Variants in RBM47 observed in about 807,000 individuals in gnomAD.
RBM47 encodes the protein RNA binding motif protein 47, also known as RNA-binding protein 47.
A neutral mutation model predicts 47.1 loss-of-function variants in RBM47; 21 were observed. That is an observed-to-expected ratio of 0.45 (90% CI 0.32 to 0.64). The LOEUF is 0.64. Among genes scored for constraint, RBM47 ranks in the 30% least tolerant of loss-of-function variants. RBM47 has a pLI of 0.05. For synonymous variants in RBM47, 375 were observed against 361.7 expected (o/e 1.04, Z -0.42); for missense variants, 708 against 870.9 (o/e 0.81, Z 2.35).
In RBM47 at chr4:40,516,360, A is replaced by G. The variant is rs113024222; in HGVS notation, c.-155+28062T>C. Among the ~76,000 whole-genome samples, 929 of 150,962 alleles carry G rather than the reference A, an allele frequency of 6.2e-3. 11 individuals are homozygous for G. The highest frequency in any genetic ancestry group is 0.022 in the African/African-American group (894 of 41,134). On this transcript the variant is annotated intron_variant, in intron 2 of 6. Transcript: ENST00000295971. Reference sequence around the variant, plus strand: ...ACTGCAACCTCCGCTCCCAAGTTCAAGCGATTCTCCTGCCCCAGCCTCCCA... The same window carrying G: ...ACTGCAACCTCCGCTCCCAAGTTCAGGCGATTCTCCTGCCCCAGCCTCCCA...
At chr4:40,450,526 T>A (rs1715248218) in intron 3 of RBM47, among the ~76,000 whole-genome samples, 1 of 151,824 alleles carries the variant, frequency 6.6e-6, no homozygotes, top group Non-Finnish European at 1.5e-5. Context: ...TGCTTGAACC[T>A]GGGAGGCGGA....
intron 1 of RBM47, among the ~76,000 whole-genome samples, chr4:40,608,089 G>A (rs868566666): frequency 6.6e-6 from 1 of 151,374 alleles, no homozygotes; most frequent in Non-Finnish European, 1.5e-5. Flanking sequence ...GCAACAGAGC[G>A]AAACTCCATC....
At chr4:40,527,910 T>G (rs1726908639) in intron 2 of RBM47, among the ~76,000 whole-genome samples, 1 of 152,154 alleles carries the variant, frequency 6.6e-6, no homozygotes, top group Non-Finnish European at 1.5e-5. Context: ...AAATGAGATA[T>G]TCTAAGTCAC....
At chr4:40,528,911 C>A (rs1727044585) in intron 2 of RBM47, among the ~76,000 whole-genome samples, 1 of 151,606 alleles carries the variant, frequency 6.6e-6, no homozygotes, top group East Asian at 1.9e-4. Flanking sequence ...CCACTGCACT[C>A]CAGCCTGGGC....
At chr4:40,468,435 C>A (rs1244336793) in intron 2 of RBM47, among the ~76,000 whole-genome samples, 3 of 152,082 alleles carry the variant, frequency 2.0e-5, no homozygotes, top group African/African-American at 7.2e-5. Flanking sequence ...GAAACAACAC[C>A]AATAAAACAG....
chr4:40,431,031 C>T (rs1715907762), intron 6 of RBM47, among the ~76,000 whole-genome samples: 2 of 151,996 alleles, frequency 1.3e-5, no homozygotes, highest in African/African-American at 4.8e-5. Context: ...TTGCAGTGAG[C>T]CATGCACTCC....
rs115476151 is a variant in RBM47, at chr4:40,530,902, C to T, written c.-155+13520G>A. Among the ~76,000 whole-genome samples the T allele has an allele frequency of 5.5e-3, 830 of 152,186 alleles. 6 individuals carry two copies. The highest frequency in any genetic ancestry group is 0.019 in the African/African-American group (805 of 41,528). On this transcript the variant is annotated intron_variant, in intron 2 of 6. Coordinates refer to ENST00000295971, the MANE Select transcript of RBM47 (RefSeq NM_001098634.2). The stretch of plus-strand genomic sequence containing the variant: ...ATCCTTGGAGCCCAGGAGTTGGGGA[C>T]CAGCTTGGGCAACATAGTGAGACCT...
rs571136310 is a variant in RBM47, at chr4:40,477,078, A to T, written c.-154-10379T>A. On this transcript the variant is annotated intron_variant, in intron 2 of 6. Transcript: ENST00000295971. ...GGCTCCTGTAATCCCAACTACTCGG[A>T]AGGCTGAGGCATGAGAATCGCTAGA... Among the ~76,000 whole-genome samples, 5 of 152,074 alleles carry T rather than the reference A, an allele frequency of 3.3e-5. No individual in the cohort carries two copies. In the East Asian group the frequency reaches 9.7e-4, roughly 30 times the overall value.
chr4:40,448,581 A>G (rs372150123), intron 3 of RBM47, among the ~76,000 whole-genome samples: 19 of 152,338 alleles, frequency 1.2e-4, no homozygotes, highest in East Asian at 5.8e-4. Context: ...CACAATGCAC[A>G]TAAGAGCAAA....
Position 40,592,971 on chromosome 4 carries a change from ATATATATATTTTTTT to A in RBM47, c.-240+36410_-240+36424del, listed in dbSNP as rs1560493342. On this transcript the variant is annotated intron_variant, in intron 1 of 6. Transcript: ENST00000295971. ...TATATATATATATATATATATATAT[ATATATATATTTTTTT>A]TTTTTTTTTTTTTTTTTTTTTTTTT... Among the ~76,000 whole-genome samples, 25 of 22,808 alleles carry A rather than the reference ATATATATATTTTTTT, an allele frequency of 1.1e-3. 1 individual carries two copies. Among genetic ancestry groups the A allele is most frequent in the African/African-American group, 4.4e-3 (20 of 4,556 alleles). The allele number at this position is 22,808 out of a possible 152,430, so 15.0% of individuals were successfully genotyped here.
chr4:40,497,310 T>C (rs1357975515), intron 2 of RBM47, among the ~76,000 whole-genome samples: 1 of 152,114 alleles, frequency 6.6e-6, no homozygotes, highest in Non-Finnish European at 1.5e-5. Context: ...TGTGTACAAA[T>C]ATATGACTAT....
intron 2 of RBM47, among the ~76,000 whole-genome samples, chr4:40,490,897 GA>G (rs35009430): frequency 0.33 from 49,799 of 151,742 alleles, 8,524 homozygotes; most frequent in African/African-American, 0.42. Flanking sequence ...TAGTTTCTGG[GA>G]AAAAAAATTG....
intron 2 of RBM47, chr4:40,543,876 T>C (rs769494923): frequency 1.3e-5 from 2 of 150,396 alleles, no homozygotes; most frequent in Non-Finnish European, 2.9e-5. Context: ...CATCAGACTA[T>C]GCATTTCTTA....
At chr4:40,593,704 C>A (rs1184911477) in intron 1 of RBM47, among the ~76,000 whole-genome samples, 1 of 151,982 alleles carries the variant, frequency 6.6e-6, no homozygotes, top group Non-Finnish European at 1.5e-5. Flanking sequence ...CACGGTGAAA[C>A]CCCGTCTCTA....
chr4:40,444,123 C>T (rs912397112), intron 3 of RBM47, among the ~76,000 whole-genome samples: 3 of 152,020 alleles, frequency 2.0e-5, no homozygotes, highest in African/African-American at 7.2e-5. Context: ...CACCTGAGCT[C>T]AGGAAGTTGA....
chr4:40,581,912 T>C (rs867065170), intron 1 of RBM47, among the ~76,000 whole-genome samples: 5 of 152,004 alleles, frequency 3.3e-5, no homozygotes, highest in Middle Eastern at 3.2e-3. Context: ...AAGCTCACCA[T>C]ATCCAATGCT....
At chr4:40,494,541 A>G (rs1722319167) in intron 2 of RBM47, among the ~76,000 whole-genome samples, 1 of 152,196 alleles carries the variant, frequency 6.6e-6, no homozygotes, top group Non-Finnish European at 1.5e-5. Flanking sequence ...GGTGTCATTC[A>G]GCTTTGGGGG....
At chr4:40,506,270 C>A (rs1724087805) in intron 2 of RBM47, among the ~76,000 whole-genome samples, 1 of 152,186 alleles carries the variant, frequency 6.6e-6, no homozygotes, top group Non-Finnish European at 1.5e-5. Flanking sequence ...GTTTCACAAT[C>A]CTCAAGGGAA....
chr4:40,519,936 G>C (rs1726034469), intron 2 of RBM47, among the ~76,000 whole-genome samples: 1 of 151,892 alleles, frequency 6.6e-6, no homozygotes, highest in Non-Finnish European at 1.5e-5. Context: ...CCAAAGTGCT[G>C]GGATTACAGG....
Sources: gnomAD v4.1 joint callset for allele counts (sites outside exome capture counted in the v4.1 genomes callset) on GRCh38, gnomAD v4.1.1 for gene constraint, MANE v1.5 for transcripts, NCBI Gene and HGNC (gene_info 2026-07-23, HGNC 2026-07-21) for gene names.